The following CDON variants were observed in gnomAD, a reference collection of about 807,000 sequenced individuals.
CDON encodes cell adhesion associated, oncogene regulated.
CDON carries 73 observed loss-of-function variants against 120.9 expected under a neutral mutation model. The ratio of observed to expected loss-of-function variants is 0.60; its 90% CI spans 0.50 to 0.73. The LOEUF is 0.73. Ranked by LOEUF, CDON falls within the 30% of genes least tolerant of loss-of-function variation. CDON has a pLI of 0.00. For synonymous variants in CDON, 566 were observed against 573.5 expected, an observed-to-expected ratio of 0.99 and a Z score of 0.19; for missense variants, 1,470 against 1,587.3, an observed-to-expected ratio of 0.93 and a Z score of 1.26.
intron 1 of CDON, among the ~76,000 whole-genome samples, chr11:126,048,170 T>C (rs958935883): frequency 2.0e-5 from 3 of 150,940 alleles, no homozygotes; most frequent in African/African-American, 7.3e-5. Context: ...CCAGCTACTC[T>C]AATTGGGAGG....
At chr11:126,059,684 A>T (rs1034079550) in intron 1 of CDON, among the ~76,000 whole-genome samples, 2 of 152,160 alleles carry the variant, frequency 1.3e-5, no homozygotes, top group Non-Finnish European at 2.9e-5. Flanking sequence ...TGTTCCATTT[A>T]ATCAAATACA....
At chr11:126,051,359 TA>T (rs1259427710) in intron 1 of CDON, among the ~76,000 whole-genome samples, 1 of 152,208 alleles carries the variant, frequency 6.6e-6, no homozygotes, top group Non-Finnish European at 1.5e-5. Context: ...GTGTTTTCTT[TA>T]AGATAATTTT....
Position 125,956,871 on chromosome 11 carries a change from T to C in CDON, c.*4071A>G. On this transcript the variant is annotated 3_prime_UTR_variant, in exon 20 of 20. Transcript: ENST00000531738. ...ATTAGATAAGGGGTTTCGGCTACCC[T>C]CAAAGCTCTCAGGACTGGGGCTAGG... The C allele has an allele frequency of 4.1e-6, 4 of 985,452 alleles. No homozygotes were observed. Among genetic ancestry groups the C allele is most frequent in the Non-Finnish European group, 4.8e-6 (4 of 829,928 alleles). 61.0% of individuals were successfully genotyped at this position (985,452 alleles called of 1,614,324 possible).
At chr11:126,015,078 G>T (rs1402426750) in intron 7 of CDON, 163 bp downstream of exon 7, 2 of 696,980 alleles carry the variant, frequency 2.9e-6, no homozygotes, top group African/African-American at 1.8e-5. Context: ...ACTTCTTCAT[G>T]GAAATGCCTA....
intron 18 of CDON, among the ~76,000 whole-genome samples, chr11:125,971,778 CT>C (rs1290738338): frequency 2.6e-5 from 4 of 152,144 alleles, no homozygotes; most frequent in African/African-American, 7.2e-5. Flanking sequence ...GTCCGTTCAT[CT>C]GTGAATTTCA....
chr11:126,019,328 G>C (rs1349146502), intron 4 of CDON, among the ~76,000 whole-genome samples: 1 of 152,080 alleles, frequency 6.6e-6, no homozygotes, highest in Non-Finnish European at 1.5e-5. Flanking sequence ...ATAAAGAAAA[G>C]CAAAACGAAA....
chr11:125,999,105 C>A (rs1440168067), intron 11 of CDON, among the ~76,000 whole-genome samples: 3 of 152,108 alleles, frequency 2.0e-5, no homozygotes, highest in East Asian at 1.9e-4. Context: ...TCAAAGCAGG[C>A]AATGCTGAGT....
chr11:126,047,919 TGTCTTTC>T (rs1254379829), intron 1 of CDON, among the ~76,000 whole-genome samples: 6 of 152,214 alleles, frequency 3.9e-5, no homozygotes, highest in Non-Finnish European at 8.8e-5. Flanking sequence ...AGGATGTGGA[TGTCTTTC>T]AATCCCATAT....
intron 17 of CDON, among the ~76,000 whole-genome samples, chr11:125,979,434 T>A (rs1946233963): frequency 1.3e-5 from 2 of 152,334 alleles, no homozygotes; most frequent in Admixed American, 6.5e-5. Context: ...GTTCACAACC[T>A]GCAGGGTAAC....
At chr11:126,029,752 T>C (rs1947897359) in intron 1 of CDON, among the ~76,000 whole-genome samples, 1 of 152,158 alleles carries the variant, frequency 6.6e-6, no homozygotes, top group South Asian at 2.1e-4. Context: ...ATAAAGCTAG[T>C]GGCCAACACA....
At chr11:126,001,621 T>C (rs1223928468) in intron 11 of CDON, 98 bp downstream of exon 11, 1 of 991,272 alleles carries the variant, frequency 1.0e-6, no homozygotes, top group South Asian at 1.3e-5. Context: ...TATGGTAAGA[T>C]ATGAAAATAA....
At chr11:125,979,163 A>G (rs582776) in intron 17 of CDON, among the ~76,000 whole-genome samples, 35,202 of 152,170 alleles carry the variant, frequency 0.23, 4,216 homozygotes, top group Non-Finnish European at 0.26. Flanking sequence ...AAAAGGTGGG[A>G]GAGGCTGTCA....
Position 126,010,464 on chromosome 11 carries a change from G to A in CDON, c.1429C>T (p.Leu477=). Residue 477 remains leucine (L), a synonymous_variant, in exon 8 of 20, where the codon CTG becomes TTG. Transcript: ENST00000531738. ...AGAGAGCTTGCACCAGCTTGGGACAGGACGAAGTACACAGGCTCCAGGTTC... is the reference window on the plus strand; with the variant it reads ...AGAGAGCTTGCACCAGCTTGGGACAAGACGAAGTACACAGGCTCCAGGTTC... ...GLNLEPVYFV[L]SQAGASSLHI... The A allele has an allele frequency of 1.2e-6, 2 of 1,614,148 alleles. No homozygotes were observed. The highest frequency in any genetic ancestry group is 1.7e-6 in the Non-Finnish European group (2 of 1,180,004).
chr11:126,019,465 G>A (rs539445707), intron 4 of CDON, among the ~76,000 whole-genome samples, 154 bp downstream of exon 4: 22 of 152,250 alleles, frequency 1.4e-4, no homozygotes, highest in Non-Finnish European at 2.8e-4. Context: ...GTATGGGGCC[G>A]TAATTATTTG....
At position 126,001,803 on chromosome 11, in the gene CDON, C is replaced by T. The variant is rs986863818; in HGVS notation, c.2074G>A (p.Gly692Ser). 18 of 1,611,312 alleles carry T rather than the reference C, an allele frequency of 1.1e-5. No individual in the cohort carries two copies. The East Asian group carries it at 2.9e-4, about 26-fold the overall frequency. The change falls in exon 11 of 20, where the codon GGC becomes AGC. Residue 692 changes from glycine to serine, a missense_variant. Physicochemically the swap from Gly to Ser is moderately conservative, Grantham distance 56 (BLOSUM62 0). Coordinates refer to ENST00000531738, the MANE Select transcript of CDON (RefSeq NM_001378964.1). ...GAAACAACGGGATACTTAGGGATGC[C>T]CACGGGTGGAGAGGATGCCTGGGTG... ...KNTQASSPPV[G>S]IPKYPVVSEA... is the part of the protein sequence containing the mutation.
chr11:125,974,374 AAGGAAGGAAGGAAGGAAGGG>A (rs1946091566), intron 18 of CDON, among the ~76,000 whole-genome samples: 1 of 31,908 alleles, frequency 3.1e-5, no homozygotes, highest in Non-Finnish European at 6.0e-5. Context: ...GGTAGGAAGG[AAGGAAGGAAGGAAGGAAGGG>A]AGGGAGGGAG....
chr11:126,009,266 C>T (rs574282056), intron 8 of CDON, among the ~76,000 whole-genome samples: 3 of 152,326 alleles, frequency 2.0e-5, no homozygotes, highest in South Asian at 2.1e-4. Context: ...CTTGTTTGCA[C>T]GTGAAGGGAA....
At chr11:125,980,363 G>A (rs1946262668) in intron 17 of CDON, among the ~76,000 whole-genome samples, 1 of 152,146 alleles carries the variant, frequency 6.6e-6, no homozygotes, top group African/African-American at 2.4e-5. Flanking sequence ...AAGCTTACCA[G>A]CCACAACAAC....
intron 10 of CDON, among the ~76,000 whole-genome samples, chr11:126,002,889 G>A (rs549405548): frequency 1.3e-5 from 2 of 152,284 alleles, no homozygotes; most frequent in Admixed American, 1.3e-4. Context: ...CATCACAGCA[G>A]CCCCATCGTG....
Sources: gnomAD v4.1 joint callset for allele counts (sites outside exome capture counted in the v4.1 genomes callset) on GRCh38, gnomAD v4.1.1 for gene constraint, MANE v1.5 for transcripts, NCBI Gene and HGNC (gene_info 2026-07-23, HGNC 2026-07-21) for gene names.